The following HIBCH variants were observed in gnomAD, a reference collection of about 807,000 sequenced individuals.
HIBCH encodes 3-hydroxyisobutyryl-CoA hydrolase, also known as 3-hydroxyisobutyryl-CoA hydrolase, mitochondrial.
Under a neutral mutation model 58.2 loss-of-function variants are expected in HIBCH, and 50 were observed. The observed-to-expected ratio is 0.86, with a 90% CI of 0.68 to 1.09. HIBCH has a LOEUF of 1.09. HIBCH is among the 50% of genes least tolerant of loss of function. The pLI, the probability that HIBCH is intolerant of heterozygous loss-of-function variation, is 0.00. For missense variants in HIBCH, 450 were observed against 449.7 expected (o/e 1.00, Z -0.01); for synonymous variants, 151 against 146.9 (o/e 1.03, Z -0.20).
chr2:190,247,072 C>T (rs1290208051), intron 9 of HIBCH, among the ~76,000 whole-genome samples: 2 of 151,620 alleles, frequency 1.3e-5, no homozygotes, highest in Non-Finnish European at 2.9e-5. Context: ...GAATTTAGCA[C>T]TTTGGGTTAA....
intron 6 of HIBCH, among the ~76,000 whole-genome samples, chr2:190,268,844 A>G (rs756509501): frequency 6.6e-6 from 1 of 152,210 alleles, no homozygotes; most frequent in Admixed American, 6.5e-5. Flanking sequence ...AAAGATATTT[A>G]AAGTAACCAA....
rs1688350776 is a variant in HIBCH, at chr2:190,304,402, T to C, written c.78+6352A>G. Among the ~76,000 whole-genome samples the C allele has an allele frequency of 6.6e-6, 1 of 152,164 alleles. No homozygotes were observed. Among genetic ancestry groups the C allele is most frequent in the Non-Finnish European group, 1.5e-5 (1 of 68,028 alleles). On this transcript the variant is annotated intron_variant, in intron 2 of 13. Transcript: ENST00000359678. The surrounding 1 kb of genome is among the most constrained non-coding windows in gnomAD (Gnocchi z 4.1). ...ACAGGGCATCATATGTCAAGGAAGC[T>C]AAGCATGCTAGCTCAGATCTCTCTT...
chr2:190,210,385 A>C lies in HIBCH; in HGVS notation c.1012-1472T>G, dbSNP rs1690489447. Among the ~76,000 whole-genome samples, 1 of 151,820 alleles carries C rather than the reference A, an allele frequency of 6.6e-6. No homozygotes were observed. The highest frequency in any genetic ancestry group is 2.4e-5 in the African/African-American group (1 of 41,316). On this transcript the variant is annotated intron_variant, in intron 12 of 13. Coordinates refer to ENST00000359678, the MANE Select transcript of HIBCH (RefSeq NM_014362.4). This position sits in a 1 kb window ranked among gnomAD's most constrained non-coding sequence, Gnocchi z 5.5. Reference sequence around the variant, plus strand: ...GACACTACACTCTCCTGGTCCTCCTACCTCTCCATCCTTTTTTTCCTTCCT... The same window carrying C: ...GACACTACACTCTCCTGGTCCTCCTCCCTCTCCATCCTTTTTTTCCTTCCT...
intron 7 of HIBCH, among the ~76,000 whole-genome samples, chr2:190,253,901 T>C (rs970475196): frequency 6.6e-6 from 1 of 152,104 alleles, no homozygotes; most frequent in African/African-American, 2.4e-5. Context: ...AAACCCTCCA[T>C]CCTGACAACA....
In HIBCH at chr2:190,207,677, T is replaced by C. The variant is rs1213469217; in HGVS notation, c.1045+1203A>G. On this transcript the variant is annotated intron_variant, in intron 13 of 13. Coordinates refer to ENST00000359678, the MANE Select transcript of HIBCH (RefSeq NM_014362.4). The surrounding 1 kb of genome is among the most constrained non-coding windows in gnomAD (Gnocchi z 4.5). ...AGCCAGATCACATAATATCAGGAGT[T>C]CAAGACCAGCCTGGCCAACATGGTG... Among the ~76,000 whole-genome samples, 1 of 152,074 alleles carries C rather than the reference T, an allele frequency of 6.6e-6. No homozygotes were observed. The highest frequency in any genetic ancestry group is 1.5e-5 in the Non-Finnish European group (1 of 68,016).
chr2:190,274,768 G>A (rs1415446190), intron 6 of HIBCH, among the ~76,000 whole-genome samples: 1 of 152,186 alleles, frequency 6.6e-6, no homozygotes, highest in Non-Finnish European at 1.5e-5. Context: ...GTGAAGGAAG[G>A]TTACCACAAA....
rs774129841 is a variant in HIBCH at position 190,244,904 on chromosome 2, C to A, written c.874G>T (p.Ala292Ser). 1.7e-5 allele frequency: 27 copies of A among 1,609,520 alleles called. No homozygotes were observed. In the South Asian group the frequency reaches 2.9e-4, roughly 17 times the overall value. Residue 292 changes from alanine to serine, a missense_variant, in exon 11 of 14, where the codon GCC becomes TCC. By Grantham distance (99) the Ala-to-Ser change is moderately conservative. Transcript: ENST00000359678. ...AATATTACCTTCAATTGCTCTAGGG[C>A]AAAAGATGAACCATCTTGCTGTAAG... ...ENLQQDGSSF[A>S]LEQLKVINKM...
intron 1 of HIBCH, among the ~76,000 whole-genome samples, chr2:190,194,019 G>GTGAT (rs1043187189): frequency 2.5e-4 from 38 of 152,060 alleles, no homozygotes; most frequent in African/African-American, 8.7e-4. Flanking sequence ...AATTTCTCCT[G>GTGAT]TGATTTTCTT....
intron 5 of HIBCH, among the ~76,000 whole-genome samples, chr2:190,289,103 T>C (rs1268747878): frequency 6.6e-6 from 1 of 152,090 alleles, no homozygotes; most frequent in Admixed American, 6.6e-5. Flanking sequence ...AGGGCAAGAC[T>C]CTCTCTTAAA....
chr2:190,212,007 C>T (rs2105900936), intron 12 of HIBCH, among the ~76,000 whole-genome samples: 1 of 152,300 alleles, frequency 6.6e-6, no homozygotes. Context: ...TATGCCATAT[C>T]TCTGTCACTT....
chr2:190,209,909 T>A lies in HIBCH; in HGVS notation c.1012-996A>T, dbSNP rs920427262. On this transcript the variant is annotated intron_variant, in intron 12 of 13. Transcript: ENST00000359678. The surrounding 1 kb of genome is among the most constrained non-coding windows in gnomAD (Gnocchi z 5.6). ...TTTCTTTACATGAAAAGGTAATTTA[T>A]ATATCCATCCTAGGATTATTTTAAT... Among the ~76,000 whole-genome samples the A allele has an allele frequency of 6.6e-6, 1 of 152,210 alleles. No individual in the cohort carries two copies. Among genetic ancestry groups the A allele is most frequent in the Non-Finnish European group, 1.5e-5 (1 of 68,022 alleles).
chr2:190,223,682 A>G (rs1260506318), intron 11 of HIBCH, among the ~76,000 whole-genome samples: 1 of 152,244 alleles, frequency 6.6e-6, no homozygotes, highest in Non-Finnish European at 1.5e-5. Flanking sequence ...GGAAAGGGCT[A>G]TTGCCCTTGG....
chr2:190,264,278 TTTC>T (rs1687171312), intron 6 of HIBCH, among the ~76,000 whole-genome samples: 1 of 150,182 alleles, frequency 6.7e-6, no homozygotes, highest in Non-Finnish European at 1.5e-5. Context: ...TTCTTTTTTC[TTTC>T]TTTTTTTTTT....
At chr2:190,286,443 A>G (rs924265938) in intron 6 of HIBCH, among the ~76,000 whole-genome samples, 3 of 151,976 alleles carry the variant, frequency 2.0e-5, no homozygotes, top group East Asian at 1.9e-4. Flanking sequence ...TCTATTGTCA[A>G]TCTGTCTTTT....
rs748600656 is a variant in HIBCH at position 190,306,725 on chromosome 2, C to T, written c.78+4029G>A. Among the ~76,000 whole-genome samples the T allele has an allele frequency of 6.6e-6, 1 of 152,204 alleles. No homozygotes were observed. The highest frequency in any genetic ancestry group is 6.5e-5 in the Admixed American group (1 of 15,274). On this transcript the variant is annotated intron_variant, in intron 2 of 13. Coordinates refer to ENST00000359678, the MANE Select transcript of HIBCH (RefSeq NM_014362.4). The surrounding 1 kb of genome is among the most constrained non-coding windows in gnomAD (Gnocchi z 4.6). ...CTATTAGCTTGTATAGTACTACAGA[C>T]TGAATGCTTGCATCCTTCCAAAATT...
chr2:190,274,151 A>T (rs1687484336), intron 6 of HIBCH, among the ~76,000 whole-genome samples: 1 of 152,200 alleles, frequency 6.6e-6, no homozygotes, highest in African/African-American at 2.4e-5. Context: ...AAAACCCGGC[A>T]CTTTATTATT....
At chr2:190,318,649 C>T (rs759465277) in intron 1 of HIBCH, among the ~76,000 whole-genome samples, 13 of 152,176 alleles carry the variant, frequency 8.5e-5, no homozygotes, top group Admixed American at 2.6e-4. Context: ...CAGATCCTTT[C>T]CTAAGTCAGC....
At chr2:190,225,045 AGAAATAAGATGTTCTTT>A (rs1685846981) in intron 11 of HIBCH, among the ~76,000 whole-genome samples, 1 of 152,266 alleles carries the variant, frequency 6.6e-6, no homozygotes, top group Non-Finnish European at 1.5e-5. Context: ...AAATGAAGGC[AGAAATAAGATGTTCTTT>A]GAAACCAGTG....
rs147936734 is a variant in HIBCH at position 190,192,452 on chromosome 2, CTGTGTGTGTGTG to C, written c.*18-2467_*18-2456del. 8.2e-3 allele frequency among the ~76,000 whole-genome samples: 1,191 copies of C among 145,356 alleles called. 13 individuals are homozygous for C. The highest frequency in any genetic ancestry group is 0.028 in the African/African-American group (1,098 of 39,064). On this transcript the variant is annotated intron_variant, in intron 1 of 1. Transcript: ENST00000399855. ...TGTGTTTCCATGTATAATTCAGAAT[CTGTGTGTGTGTG>C]TGTGTGTGTGTGTGTGTGTGTGTGT... is the stretch of plus-strand genomic sequence containing the variant.
Sources: allele counts gnomAD v4.1 joint callset (sites outside exome capture counted in the v4.1 genomes callset), GRCh38; gene constraint gnomAD v4.1.1; non-coding constraint Gnocchi (gnomAD v3.1); transcripts MANE v1.5; gene names NCBI Gene and HGNC (gene_info 2026-07-23, HGNC 2026-07-21).